The following KAZN variants were observed in gnomAD, a reference collection of about 807,000 sequenced individuals.
KAZN encodes the protein kazrin.
A neutral mutation model predicts 87.4 loss-of-function variants in KAZN; 40 were observed. The ratio of observed to expected loss-of-function variants is 0.46; its 90% CI spans 0.36 to 0.60. The LOEUF (loss-of-function observed/expected upper bound fraction) is 0.60. Ranked by LOEUF, KAZN falls within the 20% of genes least tolerant of loss-of-function variation. The pLI, the probability that KAZN is intolerant of heterozygous loss-of-function variation, is 0.00. For synonymous variants in KAZN, 466 were observed against 458.3 expected, an observed-to-expected ratio of 1.02 and a Z score of -0.22; for missense variants, 898 against 1,073.9, an observed-to-expected ratio of 0.84 and a Z score of 2.29.
chr1:14,495,912 C>T (rs893240337), intron 2 of KAZN, among the ~76,000 whole-genome samples: 4 of 152,166 alleles, frequency 2.6e-5, no homozygotes, highest in African/African-American at 9.7e-5. Context: ...GTGGAACCAA[C>T]GTTCTTTCTT....
At chr1:14,629,603 A>G (rs145440880) in intron 1 of KAZN, among the ~76,000 whole-genome samples, 18 of 152,238 alleles carry the variant, frequency 1.2e-4, no homozygotes, top group African/African-American at 4.1e-4. Flanking sequence ...TTCTGGTCCA[A>G]AGATGGCTGC....
At chr1:14,110,454 C>T (rs1644476690) in intron 1 of KAZN, among the ~76,000 whole-genome samples, 1 of 152,332 alleles carries the variant, frequency 6.6e-6, no homozygotes, top group African/African-American at 2.4e-5. Flanking sequence ...CTGACCTTCT[C>T]CTGCGCCTGT....
intron 1 of KAZN, among the ~76,000 whole-genome samples, chr1:14,956,951 C>T (rs539226525): frequency 6.6e-6 from 1 of 152,302 alleles, no homozygotes; most frequent in East Asian, 1.9e-4. Flanking sequence ...GCCGCCTTTG[C>T]TCACACCATT....
chr1:14,901,177 G>C (rs1655841569), intron 1 of KAZN, among the ~76,000 whole-genome samples: 1 of 152,178 alleles, frequency 6.6e-6, no homozygotes, highest in Non-Finnish European at 1.5e-5. Flanking sequence ...AGAAGGTGCT[G>C]GGGAAGGTCC....
intron 2 of KAZN, among the ~76,000 whole-genome samples, chr1:14,425,989 G>A (rs1010739975): frequency 3.3e-5 from 5 of 152,156 alleles, no homozygotes; most frequent in East Asian, 1.9e-4. Context: ...CAATTGCAGC[G>A]TAAATTGACA....
At chr1:15,015,872 T>C (rs1341371333) in intron 2 of KAZN, among the ~76,000 whole-genome samples, 1 of 152,062 alleles carries the variant, frequency 6.6e-6, no homozygotes, top group Admixed American at 6.5e-5. Context: ...TCTCCACCTG[T>C]CCCCAAGTCC....
At position 14,514,344 on chromosome 1, in the gene KAZN, TTA is replaced by T. The variant is rs1254300308; in HGVS notation, c.250-84631_250-84630del. Among the ~76,000 whole-genome samples the T allele has an allele frequency of 1.0e-4, 2 of 19,642 alleles. 1 individual carries two copies. The highest frequency in any genetic ancestry group is 3.8e-4 in the African/African-American group (2 of 5,238). 12.9% of individuals were successfully genotyped at this position (19,642 alleles called of 152,430 possible). ...TGTCTCAAAAAATTTATATATATAT[TTA>T]TATATATTATATATATATTTATATA... On this transcript the variant is annotated intron_variant, in intron 2 of 16. Coordinates refer to the KAZN transcript ENST00000636203.
intron 2 of KAZN, among the ~76,000 whole-genome samples, chr1:14,433,172 C>T (rs1487521552): frequency 1.3e-5 from 2 of 152,092 alleles, no homozygotes; most frequent in African/African-American, 4.8e-5. Flanking sequence ...ATGCAGACAC[C>T]TGTGACGCCA....
intron 10 of KAZN, among the ~76,000 whole-genome samples, chr1:15,100,625 C>T (rs930027051): frequency 1.3e-5 from 2 of 152,220 alleles, no homozygotes; most frequent in Non-Finnish European, 2.9e-5. Context: ...CACTTGCGCA[C>T]CTGCTGTATA....
At chr1:14,342,733 A>C (rs1186867899) in intron 2 of KAZN, among the ~76,000 whole-genome samples, 3 of 152,196 alleles carry the variant, frequency 2.0e-5, no homozygotes, top group East Asian at 3.8e-4. Context: ...ATGAGACAAG[A>C]GGCAAGTCAG....
rs12079599 is a variant in KAZN at position 14,766,245 on chromosome 1, T to A, written c.226+167022T>A. ...GGTCAAAGGAGCTGGGGTCTTCACCTGCCAACTCCCTAGTCACAGCTCCTG... is the reference window on the plus strand; with the variant it reads ...GGTCAAAGGAGCTGGGGTCTTCACCAGCCAACTCCCTAGTCACAGCTCCTG... On this transcript the variant is annotated intron_variant, in intron 1 of 14. Coordinates refer to ENST00000376030, the MANE Select transcript of KAZN (RefSeq NM_201628.3). 3.6e-4 allele frequency among the ~76,000 whole-genome samples: 55 copies of A among 151,958 alleles called. 1 individual carries two copies. Among genetic ancestry groups the A allele is most frequent in the Non-Finnish European group, 5.9e-5 (4 of 68,014 alleles).
At chr1:14,060,280 G>A (rs561958494) in intron 1 of KAZN, among the ~76,000 whole-genome samples, 1 of 151,380 alleles carries the variant, frequency 6.6e-6, no homozygotes, top group Non-Finnish European at 1.5e-5. Context: ...GGAGAATGGC[G>A]TGAAACCGGG....
At position 14,607,227 on chromosome 1, in the gene KAZN, A is replaced by AT. The variant is rs776496791; in HGVS notation, c.226+8006dup. On this transcript the variant is annotated intron_variant, in intron 1 of 14. Coordinates refer to ENST00000376030, the MANE Select transcript of KAZN (RefSeq NM_201628.3). ...TACCATATAACAAGCACTGTTTCAAATTCTTTACCTATAATACCTCAACGA... is the reference window on the plus strand; with the variant it reads ...TACCATATAACAAGCACTGTTTCAAATTTCTTTACCTATAATACCTCAACGA... Among the ~76,000 whole-genome samples the AT allele has an allele frequency of 5.9e-5, 9 of 152,364 alleles. No individual in the cohort carries two copies. The East Asian group carries it at 1.5e-3, about 26-fold the overall frequency.
At chr1:14,070,572 T>C (rs1557450277) in intron 1 of KAZN, among the ~76,000 whole-genome samples, 1 of 152,240 alleles carries the variant, frequency 6.6e-6, no homozygotes, top group African/African-American at 2.4e-5. Context: ...AAGTCATTTC[T>C]ACAGTGCTGT....
At chr1:14,384,574 C>T (rs1428166190) in intron 2 of KAZN, among the ~76,000 whole-genome samples, 2 of 152,134 alleles carry the variant, frequency 1.3e-5, no homozygotes, top group Non-Finnish European at 2.9e-5. Context: ...TTGAGATAAT[C>T]ATGTGGTTTT....
intron 2 of KAZN, among the ~76,000 whole-genome samples, chr1:14,287,724 T>C (rs940034938): frequency 3.3e-5 from 5 of 152,140 alleles, no homozygotes; most frequent in Non-Finnish European, 7.4e-5. Context: ...ATGTTGAATA[T>C]GAGTGGTGAG....
At chr1:13,901,864 A>C (rs1019114773) in intron 1 of KAZN, among the ~76,000 whole-genome samples, 2 of 152,222 alleles carry the variant, frequency 1.3e-5, no homozygotes, top group South Asian at 4.1e-4. Context: ...TGAAGTATGC[A>C]CTAGGATTGT....
chr1:13,988,788 T>C (rs1639142470), intron 1 of KAZN, among the ~76,000 whole-genome samples: 1 of 152,188 alleles, frequency 6.6e-6, no homozygotes, highest in South Asian at 2.1e-4. Context: ...CAATTCTTAA[T>C]ATGTTTTGGG....
At chr1:14,183,376 G>T (rs1302528502) in intron 2 of KAZN, among the ~76,000 whole-genome samples, 1 of 152,146 alleles carries the variant, frequency 6.6e-6, no homozygotes, top group Non-Finnish European at 1.5e-5. Flanking sequence ...GCAATTAGGT[G>T]TTCGTCCCCT....
Sources: allele counts gnomAD v4.1 joint callset (sites outside exome capture counted in the v4.1 genomes callset), GRCh38; gene constraint gnomAD v4.1.1; transcripts MANE v1.5; gene names NCBI Gene and HGNC (gene_info 2026-07-23, HGNC 2026-07-21).